Variants in LTA4H observed in about 807,000 individuals in gnomAD.
The protein encoded by LTA4H is leukotriene A-4 hydrolase.
In LTA4H, 59 loss-of-function variants were observed where a neutral mutation model predicts 89.8. The observed-to-expected ratio is 0.66, with a 90% CI of 0.53 to 0.82. The LOEUF is 0.82. Among genes scored for constraint, LTA4H ranks in the 40% least tolerant of loss-of-function variants. LTA4H has a pLI of 0.00. For missense variants in LTA4H, 617 were observed against 727.0 expected (o/e 0.85, Z 1.74); for synonymous variants, 227 against 253.1 (o/e 0.90, Z 0.98).
At chr12:96,035,727 G>T, upstream of LTA4H, 1 of 1,332,236 alleles carries the variant, frequency 7.5e-7, no homozygotes, top group Middle Eastern at 2.8e-4. Flanking sequence ...CGCGGCAAGC[G>T]GGCGCTTGGC....
chr12:96,035,609 G>C, upstream of LTA4H: 1 of 1,466,996 alleles, frequency 6.8e-7, no homozygotes, highest in East Asian at 2.6e-5. Context: ...GAGGGAGAGA[G>C]GTAAAGAAGA....
At chr12:96,014,097 A>T (rs1479086032) in intron 12 of LTA4H, 2 of 329,926 alleles carry the variant, frequency 6.1e-6, no homozygotes. Flanking sequence ...GTAAGGGGAT[A>T]ACACATGAAG....
Position 96,021,138 on chromosome 12 carries a change from C to T in LTA4H, c.586-1G>A. On this transcript the variant is annotated splice_acceptor_variant, in intron 5 of 18. Coordinates refer to ENST00000228740, the MANE Select transcript of LTA4H (RefSeq NM_000895.3). LOFTEE classifies it high-confidence loss of function. Reference sequence around the variant, plus strand: ...CAATCAGGTAGCAGGGTATTGGAACCTAAAGAGGGCAAACAAACGCACACC... The same window carrying T: ...CAATCAGGTAGCAGGGTATTGGAACTTAAAGAGGGCAAACAAACGCACACC... The T allele has an allele frequency of 6.3e-7, 1 of 1,591,118 alleles. No homozygotes were observed. The highest frequency in any genetic ancestry group is 8.5e-7 in the Non-Finnish European group (1 of 1,173,234).
chr12:96,027,348 A>G (rs1950523382), intron 3 of LTA4H, 96 bp downstream of exon 3: 1 of 1,061,822 alleles, frequency 9.4e-7, no homozygotes, highest in Non-Finnish European at 1.3e-6. Flanking sequence ...ATTAGGTAAA[A>G]CCTACATAAT....
chr12:96,021,139 T>A lies in LTA4H; in HGVS notation c.586-2A>T. On this transcript the variant is annotated splice_acceptor_variant, in intron 5 of 18. Transcript: ENST00000228740. LOFTEE classifies it high-confidence loss of function. ...AATCAGGTAGCAGGGTATTGGAACC[T>A]AAAGAGGGCAAACAAACGCACACCA... is the stretch of plus-strand genomic sequence containing the variant. 6.3e-7 allele frequency: 1 copy of A among 1,591,390 alleles called. No homozygotes were observed. Among genetic ancestry groups the A allele is most frequent in the Non-Finnish European group, 8.5e-7 (1 of 1,173,350 alleles).
chr12:96,035,277 C>T lies in LTA4H; in HGVS notation c.159+84G>A, dbSNP rs1041431978. 7.8e-6 allele frequency: 11 copies of T among 1,412,160 alleles called. No homozygotes were observed. The African/African-American group carries it at 1.6e-4, about 20-fold the overall frequency. The allele number at this position is 1,412,160 out of a possible 1,614,324, so 87.5% of individuals were successfully genotyped here. ...AGGCAGGGGCCGCGGCGGGGTGAGCCGGAGATCCGGGAGCCCGCAAGGACT... is the reference window on the plus strand; with the variant it reads ...AGGCAGGGGCCGCGGCGGGGTGAGCTGGAGATCCGGGAGCCCGCAAGGACT... On this transcript the variant is annotated intron_variant, in intron 1 of 18. Transcript: ENST00000228740.
At chr12:96,035,954 A>G (rs544294321), upstream of LTA4H, among the ~76,000 whole-genome samples, 7 of 152,174 alleles carry the variant, frequency 4.6e-5, no homozygotes, top group Admixed American at 6.5e-5. Context: ...TGGTGTTTGC[A>G]TATAGCGAGG....
chr12:96,038,788 A>G (rs532771735), upstream of LTA4H, among the ~76,000 whole-genome samples: 12 of 147,740 alleles, frequency 8.1e-5, no homozygotes, highest in African/African-American at 2.8e-4. Context: ...TCTAGTATGG[A>G]GAAAGGATAG....
chr12:96,041,665 A>G (rs2887104), intron 1 of LTA4H, among the ~76,000 whole-genome samples: 91,404 of 152,036 alleles, frequency 0.6, 27,875 homozygotes, highest in African/African-American at 0.69. Flanking sequence ...TTTTTGAGGC[A>G]AAGTCTCTCT....
intron 1 of LTA4H, among the ~76,000 whole-genome samples, chr12:96,034,969 G>A (rs542605395): frequency 4.9e-4 from 74 of 152,320 alleles, no homozygotes; most frequent in Admixed American, 3.9e-3. Context: ...GGAGGCCATG[G>A]AGTAATTAGA....
chr12:96,008,999 A>G, intron 15 of LTA4H, 95 bp downstream of exon 15: 1 of 885,922 alleles, frequency 1.1e-6, no homozygotes, highest in Non-Finnish European at 1.9e-6. Flanking sequence ...TTCCAAATAT[A>G]ACTGTTTGTG....
intron 1 of LTA4H, among the ~76,000 whole-genome samples, chr12:96,032,651 T>C (rs1037034464): frequency 6.6e-6 from 1 of 152,242 alleles, no homozygotes; most frequent in Non-Finnish European, 1.5e-5. Context: ...CAAACAATTA[T>C]AAACATGTTA....
chr12:96,022,009 A>C lies in LTA4H; in HGVS notation c.585+138T>G, dbSNP rs906286227. On this transcript the variant is annotated intron_variant, in intron 5 of 18. Transcript: ENST00000228740. This position sits in a 1 kb window ranked among gnomAD's most constrained non-coding sequence, Gnocchi z 4.0. ...AACCCTTTAAAAGCACAAAAGAAAAAAAAATGAAGAAAACAAAAACCAAAA... is the reference window on the plus strand; with the variant it reads ...AACCCTTTAAAAGCACAAAAGAAAACAAAATGAAGAAAACAAAAACCAAAA... 2 of 623,584 alleles carry C rather than the reference A, an allele frequency of 3.2e-6. No homozygotes were observed. The highest frequency in any genetic ancestry group is 5.7e-6 in the Non-Finnish European group (2 of 350,028). 38.6% of individuals were successfully genotyped at this position (623,584 alleles called of 1,614,324 possible).
chr12:96,016,991 G>GAA, intron 10 of LTA4H, 53 bp downstream of exon 10: 2 of 1,201,794 alleles, frequency 1.7e-6, no homozygotes, highest in Non-Finnish European at 2.5e-6. Context: ...AGGAGGCAGG[G>GAA]AAAAAAAAAT....
chr12:96,043,166 G>T, intron 1 of LTA4H: 1 of 664,528 alleles, frequency 1.5e-6, no homozygotes, highest in Non-Finnish European at 2.6e-6. Context: ...ACTCCCTGAC[G>T]CAACCTGCAG....
At chr12:96,021,220 G>C in intron 5 of LTA4H, 83 bp from the exon 6 acceptor site, 1 of 1,056,850 alleles carries the variant, frequency 9.5e-7, no homozygotes, top group Non-Finnish European at 1.3e-6. Context: ...ATATTTAAAA[G>C]TAAGTAAATT....
At chr12:96,016,246 G>A (rs1052543700) in intron 10 of LTA4H, among the ~76,000 whole-genome samples, 2 of 142,388 alleles carry the variant, frequency 1.4e-5, no homozygotes, top group African/African-American at 2.7e-5. Context: ...CTGAGAGGCA[G>A]AGAGATCACA....
At chr12:96,036,206 G>A (rs1950645493), upstream of LTA4H, among the ~76,000 whole-genome samples, 3 of 152,208 alleles carry the variant, frequency 2.0e-5, no homozygotes, top group South Asian at 6.2e-4. Context: ...CTCAAACGGA[G>A]AAAGCCAACA....
At chr12:96,008,910 C>A (rs935303780) in intron 15 of LTA4H, among the ~76,000 whole-genome samples, 184 bp downstream of exon 15, 1 of 152,174 alleles carries the variant, frequency 6.6e-6, no homozygotes, top group Admixed American at 6.5e-5. Context: ...CAGAGCAAGA[C>A]CCTGTCTCAA....
Sources: allele counts gnomAD v4.1 joint callset (sites outside exome capture counted in the v4.1 genomes callset), GRCh38; gene constraint gnomAD v4.1.1; non-coding constraint Gnocchi (gnomAD v3.1); transcripts MANE v1.5; gene names NCBI Gene and HGNC (gene_info 2026-07-23, HGNC 2026-07-21).